AFAP1L1: variants seen among roughly 807,000 people sequenced by gnomAD.
AFAP1L1 encodes actin filament associated protein 1 like 1.
In AFAP1L1, 77 loss-of-function variants were observed where a neutral mutation model predicts 99.8. The ratio of observed to expected loss-of-function variants is 0.77; its 90% CI spans 0.64 to 0.93. AFAP1L1 has a LOEUF of 0.93. Among genes scored for constraint, AFAP1L1 ranks in the 40% least tolerant of loss-of-function variants. The pLI is 0.00. For missense variants in AFAP1L1, 893 were observed against 996.8 expected, an observed-to-expected ratio of 0.90 and a Z score of 1.40; for synonymous variants, 373 against 395.3, an observed-to-expected ratio of 0.94 and a Z score of 0.67.
intron 1 of AFAP1L1, among the ~76,000 whole-genome samples, chr5:149,281,299 T>C (rs866854069): frequency 4.6e-5 from 7 of 152,214 alleles, no homozygotes; most frequent in African/African-American, 9.7e-5. Context: ...ATGAAGTAGA[T>C]AGCAGAGACA....
At chr5:149,338,082 G>T (rs546287255) in intron 18 of AFAP1L1, among the ~76,000 whole-genome samples, 12 of 152,172 alleles carry the variant, frequency 7.9e-5, no homozygotes, top group Admixed American at 2.0e-4. Context: ...TACATTTAAA[G>T]GACAGCTGTT....
intron 1 of AFAP1L1, among the ~76,000 whole-genome samples, chr5:149,298,151 G>T (rs1334887789): frequency 6.6e-6 from 1 of 152,164 alleles, no homozygotes; most frequent in Non-Finnish European, 1.5e-5. Context: ...AGGCCCTGCA[G>T]CTCCGGGTCA....
At position 149,317,787 on chromosome 5, in the gene AFAP1L1, C is replaced by T; in HGVS notation, c.1326C>T (p.Cys442=). 6.2e-7 allele frequency: 1 copy of T among 1,614,108 alleles called. No individual in the cohort carries two copies. ...GWKERWCRLK[C]NTLYFHKDHM... The stretch of plus-strand genomic sequence containing the variant: ...AGGAACGCTGGTGCCGCCTGAAGTG[C>T]AACACTCTGTATTTCCACAAGGATC... Residue 442 remains cysteine (C), a synonymous_variant, in exon 12 of 19, where the codon TGC becomes TGT. Coordinates refer to ENST00000296721, the MANE Select transcript of AFAP1L1 (RefSeq NM_152406.4).
At chr5:149,332,946 T>A in intron 17 of AFAP1L1, 73 bp downstream of exon 17, 1 of 1,439,970 alleles carries the variant, frequency 6.9e-7, no homozygotes, top group Non-Finnish European at 9.1e-7. Flanking sequence ...CTCTTCTTCA[T>A]GATCATTCTT....
chr5:149,324,777 T>C (rs991473221), intron 15 of AFAP1L1, among the ~76,000 whole-genome samples: 4 of 152,192 alleles, frequency 2.6e-5, no homozygotes, highest in African/African-American at 9.7e-5. Context: ...GTGCTGGTTG[T>C]TGGAAGGAGG....
At chr5:149,312,426 A>T in intron 9 of AFAP1L1, 1 of 591,316 alleles carries the variant, frequency 1.7e-6, no homozygotes. Flanking sequence ...TACAAGCCAG[A>T]GGAGGGAGTG....
intron 18 of AFAP1L1, 126 bp from the exon 19 acceptor site, chr5:149,339,881 G>A: frequency 1.2e-6 from 1 of 819,384 alleles, no homozygotes; most frequent in Non-Finnish European, 1.9e-6. Context: ...AGAGAGAGAG[G>A]GGGTTAGAAC....
chr5:149,284,044 C>T lies in AFAP1L1; in HGVS notation c.16+12060C>T, dbSNP rs368120801. On this transcript the variant is annotated intron_variant, in intron 1 of 18. Transcript: ENST00000296721. ...GGACCAGAAGTTTCAAGGGACACTT[C>T]CTAGCCAGGAGCCCTGTAGAGATGG... Among the ~76,000 whole-genome samples the T allele has an allele frequency of 2.0e-5, 3 of 152,234 alleles. No individual in the cohort carries two copies. The South Asian group carries it at 6.2e-4, about 32-fold the overall frequency.
At position 149,342,867 on chromosome 5, in the gene AFAP1L1, G is replaced by A. The variant is rs1313510511; in HGVS notation, c.*2837G>A. Among the ~76,000 whole-genome samples the A allele has an allele frequency of 1.3e-5, 2 of 151,508 alleles. No individual in the cohort carries two copies. Among genetic ancestry groups the A allele is most frequent in the East Asian group, 1.9e-4 (1 of 5,152 alleles). ...GTGGAGGTTGCAGTGAGCCGAGATC[G>A]CACCACTGCACTCCAGCCTGGGCAA... On this transcript the variant is annotated 3_prime_UTR_variant, in exon 19 of 19. Coordinates refer to ENST00000296721, the MANE Select transcript of AFAP1L1 (RefSeq NM_152406.4).
intron 15 of AFAP1L1, among the ~76,000 whole-genome samples, chr5:149,326,999 ATAC>A (rs1274775408): frequency 6.6e-6 from 1 of 152,176 alleles, no homozygotes; most frequent in Non-Finnish European, 1.5e-5. Flanking sequence ...ATATCAAAAG[ATAC>A]TACAATATAT....
Position 149,323,397 on chromosome 5 carries a change from G to T in AFAP1L1, c.1810+680G>T, listed in dbSNP as rs1014395260. 2.0e-5 allele frequency among the ~76,000 whole-genome samples: 3 copies of T among 152,330 alleles called. No individual in the cohort carries two copies. The South Asian group carries it at 6.2e-4, about 32-fold the overall frequency. Reference sequence around the variant, plus strand: ...ATGACTAAGTACACCAGGCAACTCTGTTGTAAATTCTCTTTTACTTCCAAC... The same window carrying T: ...ATGACTAAGTACACCAGGCAACTCTTTTGTAAATTCTCTTTTACTTCCAAC... On this transcript the variant is annotated intron_variant, in intron 15 of 18. Coordinates refer to ENST00000296721, the MANE Select transcript of AFAP1L1 (RefSeq NM_152406.4).
chr5:149,279,826 T>C (rs1241637852), intron 1 of AFAP1L1, among the ~76,000 whole-genome samples: 1 of 152,214 alleles, frequency 6.6e-6, no homozygotes, highest in Non-Finnish European at 1.5e-5. Flanking sequence ...TGCTCTTCCT[T>C]AGCTCACTGC....
rs560653550 is a variant in AFAP1L1 at position 149,309,840 on chromosome 5, TG to T, written c.748-113del. On this transcript the variant is annotated intron_variant, in intron 7 of 18. Coordinates refer to ENST00000296721, the MANE Select transcript of AFAP1L1 (RefSeq NM_152406.4). ...CCTCACACAGTGCCCATGGCTAGGC[TG>T]GGTGGGGGAGGTCTCTAAAGGGAGG... 3.8e-3 allele frequency: 4,917 copies of T among 1,290,374 alleles called. 17 individuals are homozygous for T. The highest frequency in any genetic ancestry group is 5.2e-3 in the Admixed American group (267 of 51,326). The allele number at this position is 1,290,374 out of a possible 1,614,324, so 79.9% of individuals were successfully genotyped here.
chr5:149,301,312 G>T, intron 4 of AFAP1L1, 82 bp downstream of exon 4: 1 of 1,355,348 alleles, frequency 7.4e-7, no homozygotes, highest in South Asian at 1.2e-5. Context: ...TTCCCACTGG[G>T]TGCTCTCCTG....
Position 149,339,996 on chromosome 5 carries a change from C to T in AFAP1L1, c.2284-11C>T. The T allele has an allele frequency of 2.5e-6, 4 of 1,613,916 alleles. No homozygotes were observed. Among genetic ancestry groups the T allele is most frequent in the South Asian group, 1.1e-5 (1 of 91,038 alleles). On this transcript the variant is annotated splice_polypyrimidine_tract_variant and intron_variant, in intron 18 of 18. Coordinates refer to ENST00000296721, the MANE Select transcript of AFAP1L1 (RefSeq NM_152406.4). The stretch of plus-strand genomic sequence containing the variant: ...CAGCAAATTGATTTGTCTTCTCTTT[C>T]TGTGCTTCAGGAATGGGAAATGAAG...
chr5:149,336,199 C>G (rs866975060), intron 18 of AFAP1L1, among the ~76,000 whole-genome samples: 22 of 152,222 alleles, frequency 1.4e-4, no homozygotes, highest in African/African-American at 5.1e-4. Flanking sequence ...AATATGGTAC[C>G]TACACTAACA....
At chr5:149,317,131 T>TTCCA (rs1277203594) in intron 11 of AFAP1L1, among the ~76,000 whole-genome samples, 1 of 152,172 alleles carries the variant, frequency 6.6e-6, no homozygotes, top group Non-Finnish European at 1.5e-5. Flanking sequence ...AGACACTGTA[T>TTCCA]TCCAGCCTGG....
At chr5:149,313,981 G>T (rs1157833658) in intron 9 of AFAP1L1, among the ~76,000 whole-genome samples, 1 of 152,228 alleles carries the variant, frequency 6.6e-6, no homozygotes, top group African/African-American at 2.4e-5. Flanking sequence ...GCCTATTAGA[G>T]TATCCCAGAA....
intron 17 of AFAP1L1, among the ~76,000 whole-genome samples, chr5:149,334,436 C>G (rs1435591492): frequency 6.6e-6 from 1 of 152,172 alleles, no homozygotes; most frequent in African/African-American, 2.4e-5. Context: ...GTTTTGGATC[C>G]TTTTAACATT....
Sources: allele counts gnomAD v4.1 joint callset (sites outside exome capture counted in the v4.1 genomes callset), GRCh38; gene constraint gnomAD v4.1.1; transcripts MANE v1.5; gene names NCBI Gene and HGNC (gene_info 2026-07-23, HGNC 2026-07-21).